Variants in NUP85 observed in about 807,000 individuals in gnomAD.
The protein encoded by NUP85 is nuclear pore complex protein Nup85.
In NUP85, 23 loss-of-function variants were observed where a neutral mutation model predicts 92.8. That is an observed-to-expected ratio of 0.25 (90% CI 0.18 to 0.35). The LOEUF (loss-of-function observed/expected upper bound fraction) is 0.35. Ranked by LOEUF, NUP85 falls within the 10% of genes least tolerant of loss-of-function variation. NUP85 has a pLI of 1.00. For synonymous variants in NUP85, 314 were observed against 306.9 expected (o/e 1.02, Z -0.24); for missense variants, 759 against 822.8 (o/e 0.92, Z 0.95).
At chr17:75,209,642 C>T (rs933774196) in intron 2 of NUP85, among the ~76,000 whole-genome samples, 181 bp from the exon 3 acceptor site, 4 of 152,052 alleles carry the variant, frequency 2.6e-5, no homozygotes, top group Admixed American at 6.6e-5. Flanking sequence ...CAGGGTTTTG[C>T]TATGTTGGCC....
At chr17:75,212,247 GTTTTTTTTTTT>G (rs1219393857) in intron 4 of NUP85, among the ~76,000 whole-genome samples, 185 bp downstream of exon 4, 4 of 3,672 alleles carry the variant, frequency 1.1e-3, no homozygotes, top group African/African-American at 1.4e-3. Context: ...TTTTGTTGTT[GTTTTTTTTTTT>G]TTTTTTTTTT....
rs1299908163 is a variant in NUP85 at position 75,225,743 on chromosome 17, C to G, written c.901C>G (p.Leu301Val). ...EAALLEQKEL[L>V]SNWYHFLVTR... The stretch of plus-strand genomic sequence containing the variant: ...TGCCTTGTTAGAGCAGAAGGAACTT[C>G]TGAGTAATTGGTATCATTTCCTAGT... The change falls in exon 10 of 19, where the codon CTG becomes GTG. Residue 301 changes from leucine to valine, a missense_variant. By Grantham distance (32) the Leu-to-Val change is conservative. Transcript: ENST00000245544. 2.5e-6 allele frequency: 4 copies of G among 1,614,142 alleles called. No homozygotes were observed. The highest frequency in any genetic ancestry group is 2.5e-6 in the Non-Finnish European group (3 of 1,180,020).
chr17:75,211,072 G>A (rs1264231825), intron 3 of NUP85, among the ~76,000 whole-genome samples: 1 of 127,966 alleles, frequency 7.8e-6, no homozygotes, highest in East Asian at 2.4e-4. Context: ...GCGCAATCTT[G>A]GCCCACTGCA....
intron 10 of NUP85, 31 bp from the exon 11 acceptor site, chr17:75,226,020 C>T (rs983041492): frequency 6.2e-7 from 1 of 1,611,572 alleles, no homozygotes; most frequent in African/African-American, 1.3e-5. Context: ...CTTCCGTCCT[C>T]AGGATTGAGT....
Position 75,235,710 on chromosome 17 carries a change from C to A in NUP85, c.*31C>A. 2 of 1,416,334 alleles carry A rather than the reference C, an allele frequency of 1.4e-6. No homozygotes were observed. The highest frequency in any genetic ancestry group is 2.0e-6 in the Non-Finnish European group (2 of 1,023,654). The allele number at this position is 1,416,334 out of a possible 1,614,324, so 87.7% of individuals were successfully genotyped here. ...GCTTCAATGTGGTATCTTTGTATGG[C>A]AATGTATATAGATTTTTTTAAAAGA... On this transcript the variant is annotated 3_prime_UTR_variant, in exon 19 of 19. Coordinates refer to ENST00000245544, the MANE Select transcript of NUP85 (RefSeq NM_024844.5).
At chr17:75,228,174 C>T (rs1046161899) in intron 11 of NUP85, 77 of 984,940 alleles carry the variant, frequency 7.8e-5, no homozygotes, top group South Asian at 9.4e-5. Flanking sequence ...AGGAATAAAA[C>T]AGATTTGAGC....
chr17:75,218,054 G>T lies in NUP85; in HGVS notation c.476-131G>T, dbSNP rs1258120913. On this transcript the variant is annotated intron_variant, in intron 6 of 18. Coordinates refer to ENST00000245544, the MANE Select transcript of NUP85 (RefSeq NM_024844.5). ...CACAGTCTGTCATTCAGGACCATGT[G>T]TGTGACTGCTTAAAAGGGATAAACC... 7.8e-6 allele frequency: 9 copies of T among 1,153,406 alleles called. No individual in the cohort carries two copies. In the South Asian group the frequency reaches 1.1e-4, roughly 14 times the overall value. 71.4% of individuals were successfully genotyped at this position (1,153,406 alleles called of 1,614,324 possible).
intron 11 of NUP85, among the ~76,000 whole-genome samples, chr17:75,229,802 C>A (rs753022050): frequency 3.3e-5 from 5 of 152,176 alleles, no homozygotes; most frequent in Admixed American, 1.3e-4. Context: ...GCCCTTCCTT[C>A]CAGTTGTTGG....
At chr17:75,226,206 A>G in intron 11 of NUP85, 49 bp downstream of exon 11, 1 of 1,496,786 alleles carries the variant, frequency 6.7e-7, no homozygotes, top group Non-Finnish European at 9.3e-7. Flanking sequence ...GTGTACAAAT[A>G]TCACCACCTT....
chr17:75,229,188 T>G (rs2075944682), intron 11 of NUP85: 1 of 983,188 alleles, frequency 1.0e-6, no homozygotes, highest in Non-Finnish European at 1.2e-6. Context: ...CTGCTGAATC[T>G]AGAATCTTCT....
chr17:75,214,423 G>C (rs1598278611), intron 5 of NUP85, among the ~76,000 whole-genome samples: 1 of 152,304 alleles, frequency 6.6e-6, no homozygotes, highest in Non-Finnish European at 1.5e-5. Flanking sequence ...CCCGTTAATA[G>C]ACTGTTCCCC....
At chr17:75,212,238 T>TTTG (rs1395059827) in intron 4 of NUP85, among the ~76,000 whole-genome samples, 176 bp downstream of exon 4, 20 of 7,976 alleles carry the variant, frequency 2.5e-3, no homozygotes, top group South Asian at 0.016. Context: ...GGTTTTTTTT[T>TTTG]TTGTTGTTGT....
At chr17:75,205,888 G>C (rs2075062911) in intron 1 of NUP85, 94 bp downstream of exon 1, 1 of 1,426,220 alleles carries the variant, frequency 7.0e-7, no homozygotes, top group East Asian at 2.3e-5. Context: ...TAGTGGTCGC[G>C]AGGCGCTCGT....
intron 10 of NUP85, 38 bp from the exon 11 acceptor site, chr17:75,226,013 C>T (rs1480107706): frequency 6.2e-7 from 1 of 1,610,380 alleles, no homozygotes; most frequent in South Asian, 1.1e-5. Context: ...GTCTCTGCTT[C>T]CGTCCTCAGG....
chr17:75,208,325 G>A, intron 1 of NUP85: 3 of 544,654 alleles, frequency 5.5e-6, no homozygotes, highest in Non-Finnish European at 9.7e-6. Context: ...CACACCTGTA[G>A]TCCCAGCTAC....
intron 1 of NUP85, 175 bp from the exon 2 acceptor site, chr17:75,208,352 G>A (rs2075151496): frequency 1.6e-6 from 1 of 606,750 alleles, no homozygotes; most frequent in Admixed American, 3.0e-5. Flanking sequence ...GGTTGAGGCA[G>A]GAGAAGCCTT....
rs1018942259 is a variant in NUP85 at position 75,235,346 on chromosome 17, C to G, written c.1869+145C>G. 6.3e-6 allele frequency: 4 copies of G among 631,064 alleles called. No homozygotes were observed. The African/African-American group carries it at 7.3e-5, about 12-fold the overall frequency. 39.1% of individuals were successfully genotyped at this position (631,064 alleles called of 1,614,324 possible). On this transcript the variant is annotated intron_variant, in intron 18 of 18. Coordinates refer to ENST00000245544, the MANE Select transcript of NUP85 (RefSeq NM_024844.5). ...CTTAACCTGTGTAATTCACACACCA[C>G]CTTCTTTTAGGAGAAAATCAGGGAT...
intron 11 of NUP85, chr17:75,228,705 G>A (rs1004944889): frequency 2.0e-6 from 2 of 985,254 alleles, no homozygotes; most frequent in African/African-American, 3.5e-5. Flanking sequence ...TAGAAAAAAG[G>A]TTTCTTTCTT....
rs894486832 is a variant in NUP85 at position 75,226,117 on chromosome 17, G to T, written c.1054G>T (p.Ala352Ser). ...ACCCCTGGACAACATCTTGTTGGCA[G>T]CCTTTGAGTTTGACATCCATCAAGT... ...PEPLDNILLAAFEFDIHQVIK... is the reference protein window; with the variant it reads ...PEPLDNILLASFEFDIHQVIK... Residue 352 changes from alanine to serine, a missense_variant, in exon 11 of 19, where the codon GCC (alanine) becomes TCC (serine). Transcript: ENST00000245544. 17 of 1,614,040 alleles carry T rather than the reference G, an allele frequency of 1.1e-5. No homozygotes were observed. The highest frequency in any genetic ancestry group is 1.4e-5 in the Non-Finnish European group (16 of 1,180,048).
Sources: allele counts gnomAD v4.1 joint callset (sites outside exome capture counted in the v4.1 genomes callset), GRCh38; gene constraint gnomAD v4.1.1; transcripts MANE v1.5; gene names NCBI Gene and HGNC (gene_info 2026-07-23, HGNC 2026-07-21).